Variants in SOX5 observed in about 807,000 individuals in gnomAD.
SOX5 encodes transcription factor SOX-5.
In SOX5, 9 loss-of-function variants were observed where a neutral mutation model predicts 92.0. The observed-to-expected ratio is 0.10, with a 90% confidence interval of 0.06 to 0.17. SOX5 has a LOEUF of 0.17. SOX5 is among the 10% of genes least tolerant of loss of function. The pLI, the probability that SOX5 is intolerant of heterozygous loss-of-function variation, is 1.00. For missense variants in SOX5, 642 were observed against 944.5 expected (o/e 0.68, Z 4.20); for synonymous variants, 344 against 336.3 (o/e 1.02, Z -0.25).
intron 4 of SOX5, among the ~76,000 whole-genome samples, chr12:24,108,004 A>G (rs903128423): frequency 1.3e-5 from 2 of 152,190 alleles, no homozygotes; most frequent in African/African-American, 2.4e-5. Flanking sequence ...TCAGATGTTA[A>G]TTTTCTTCAG....
At chr12:24,439,372 G>A (rs1940058272) in intron 1 of SOX5, among the ~76,000 whole-genome samples, 2 of 152,136 alleles carry the variant, frequency 1.3e-5, no homozygotes, top group African/African-American at 4.8e-5. Flanking sequence ...AACTTATGAT[G>A]TCTCTGAGGT....
chr12:23,808,007 A>T (rs972206028), intron 3 of SOX5, among the ~76,000 whole-genome samples: 2 of 152,114 alleles, frequency 1.3e-5, no homozygotes, highest in South Asian at 2.1e-4. Flanking sequence ...TAGTCCTAAG[A>T]AACTAGTACA....
At chr12:23,625,336 G>C (rs988289112) in intron 8 of SOX5, among the ~76,000 whole-genome samples, 1 of 152,170 alleles carries the variant, frequency 6.6e-6, no homozygotes, top group Non-Finnish European at 1.5e-5. Flanking sequence ...AGTGGGGGCT[G>C]TTACTGGTGT....
intron 1 of SOX5, among the ~76,000 whole-genome samples, chr12:23,907,732 G>C (rs1386981731): frequency 7.0e-6 from 1 of 143,054 alleles, no homozygotes; most frequent in Non-Finnish European, 1.5e-5. Flanking sequence ...CACTGGTCAG[G>C]TGAGGTGCAT....
At chr12:24,405,239 G>A (rs930472424) in intron 1 of SOX5, among the ~76,000 whole-genome samples, 3 of 152,074 alleles carry the variant, frequency 2.0e-5, no homozygotes, top group Admixed American at 1.3e-4. Context: ...CCATTTTTAG[G>A]ATTAAAAATC....
At chr12:23,895,251 G>A (rs575727002) in intron 2 of SOX5, among the ~76,000 whole-genome samples, 1 of 149,076 alleles carries the variant, frequency 6.7e-6, no homozygotes, top group Non-Finnish European at 1.5e-5. Flanking sequence ...CGAAACAACA[G>A]TGTGAATAGG....
At chr12:23,754,907 A>C (rs1196365614) in intron 4 of SOX5, among the ~76,000 whole-genome samples, 1 of 151,884 alleles carries the variant, frequency 6.6e-6, no homozygotes, top group Non-Finnish European at 1.5e-5. Flanking sequence ...CGGATGACTA[A>C]GTATCTTGAT....
At chr12:23,845,473 G>A (rs2096564598) in intron 3 of SOX5, among the ~76,000 whole-genome samples, 1 of 152,074 alleles carries the variant, frequency 6.6e-6, no homozygotes, top group Non-Finnish European at 1.5e-5. Context: ...AAGACTTTCT[G>A]GAAGTTGAAC....
intron 4 of SOX5, among the ~76,000 whole-genome samples, chr12:23,973,095 C>T (rs1490284026): frequency 1.3e-5 from 2 of 151,448 alleles, no homozygotes; most frequent in South Asian, 2.1e-4. Flanking sequence ...TAGCTTGTTT[C>T]GCTTATCATA....
chr12:24,222,687 G>T (rs912479033), intron 3 of SOX5, among the ~76,000 whole-genome samples: 3 of 152,158 alleles, frequency 2.0e-5, no homozygotes, highest in African/African-American at 7.2e-5. Context: ...TTTGGGAGGG[G>T]ATAGGATTAA....
In SOX5 at chr12:24,497,976, C is replaced by T. The variant is rs1041486062; in HGVS notation, c.-251+64353G>A. On this transcript the variant is annotated intron_variant, in intron 1 of 4. Transcript: ENST00000446891. ...GAAAACCAACACTGCACGTTCCCAC[C>T]TATAGATGGGGGCTGAATGATGAGA... Among the ~76,000 whole-genome samples, 3 of 152,148 alleles carry T rather than the reference C, an allele frequency of 2.0e-5. 1 individual carries two copies. In the South Asian group the frequency reaches 6.2e-4, roughly 32 times the overall value.
intron 6 of SOX5, among the ~76,000 whole-genome samples, chr12:23,681,577 G>A (rs915336147): frequency 2.6e-5 from 4 of 151,566 alleles, no homozygotes; most frequent in Non-Finnish European, 5.9e-5. Context: ...AACCAAAAAA[G>A]TAAACAAGTC....
intron 1 of SOX5, among the ~76,000 whole-genome samples, chr12:24,486,195 C>T (rs957531711): frequency 1.3e-5 from 2 of 152,124 alleles, no homozygotes; most frequent in Admixed American, 6.5e-5. Flanking sequence ...CCTTGGCTTC[C>T]CAAAGTGCTG....
chr12:24,376,308 A>AGC (rs1284841980), intron 1 of SOX5, among the ~76,000 whole-genome samples: 5 of 152,300 alleles, frequency 3.3e-5, no homozygotes, highest in African/African-American at 1.2e-4. Flanking sequence ...CTCTGGGTTT[A>AGC]CCAGTTAGCT....
At chr12:23,635,637 C>G (rs1394656649) in intron 8 of SOX5, among the ~76,000 whole-genome samples, 1 of 151,714 alleles carries the variant, frequency 6.6e-6, no homozygotes, top group East Asian at 1.9e-4. Flanking sequence ...CAAATCTGCA[C>G]GTTGTGCACA....
intron 1 of SOX5, chr12:24,562,311 T>TA (rs1954457744): frequency 6.6e-6 from 1 of 152,170 alleles, no homozygotes; most frequent in African/African-American, 2.4e-5. Flanking sequence ...ACAACAAAGT[T>TA]AAAACGCAGC....
At position 24,133,604 on chromosome 12, in the gene SOX5, G is replaced by A. The variant is rs542950715; in HGVS notation, c.-2+79739C>T. On this transcript the variant is annotated intron_variant, in intron 4 of 4. Coordinates refer to the SOX5 transcript ENST00000446891. The stretch of plus-strand genomic sequence containing the variant: ...AAAGGGGGGTGTGGGGGACTGTGGC[G>A]GGGATGCCAAACAATGCAAGAGAGG... 3.4e-4 allele frequency among the ~76,000 whole-genome samples: 51 copies of A among 152,148 alleles called. No homozygotes were observed. The South Asian group carries it at 7.7e-3, about 23-fold the overall frequency.
intron 2 of SOX5, among the ~76,000 whole-genome samples, chr12:24,279,834 G>C (rs1198576321): frequency 6.6e-6 from 1 of 152,108 alleles, no homozygotes; most frequent in Non-Finnish European, 1.5e-5. Flanking sequence ...AAATAACTAG[G>C]CTGAAATTTG....
At chr12:23,686,724 T>C (rs1261217498) in intron 6 of SOX5, among the ~76,000 whole-genome samples, 2 of 152,132 alleles carry the variant, frequency 1.3e-5, no homozygotes, top group Non-Finnish European at 2.9e-5. Context: ...GAAATTCTTT[T>C]TCCTTTTTTG....
Sources: allele counts gnomAD v4.1 joint callset (sites outside exome capture counted in the v4.1 genomes callset), GRCh38; gene constraint gnomAD v4.1.1; transcripts MANE v1.5; gene names NCBI Gene and HGNC (gene_info 2026-07-23, HGNC 2026-07-21).